FARP1: variants seen among roughly 807,000 people sequenced by gnomAD.
FARP1 encodes the protein FERM, ARHGEF and pleckstrin domain-containing protein 1.
In FARP1, 52 loss-of-function variants were observed where a neutral mutation model predicts 128.8. The observed-to-expected ratio is 0.40, with a 90% CI of 0.32 to 0.51. FARP1 has a LOEUF of 0.51. Among genes scored for constraint, FARP1 ranks in the 20% least tolerant of loss-of-function variants. FARP1 has a pLI of 0.45. For synonymous variants in FARP1, 580 were observed against 551.8 expected (o/e 1.05, Z -0.72); for missense variants, 1,333 against 1,367.9 (o/e 0.97, Z 0.40).
intron 2 of FARP1, among the ~76,000 whole-genome samples, chr13:98,301,570 A>G (rs550450301): frequency 6.6e-6 from 1 of 152,176 alleles, no homozygotes; most frequent in Non-Finnish European, 1.5e-5. Flanking sequence ...GTCTTTCTAC[A>G]TTCCTGGGAC....
chr13:98,260,050 A>G (rs557876467), intron 2 of FARP1, among the ~76,000 whole-genome samples: 4 of 152,254 alleles, frequency 2.6e-5, no homozygotes, highest in South Asian at 2.1e-4. Flanking sequence ...ACTATATTAA[A>G]TGTGTAAAAA....
In FARP1 at chr13:98,450,154, G is replaced by C. The variant is rs1405710438; in HGVS notation, c.*1837G>C. On this transcript the variant is annotated 3_prime_UTR_variant, in exon 27 of 27. Coordinates refer to ENST00000319562, the MANE Select transcript of FARP1 (RefSeq NM_005766.4). ...CTAGTGTGGGTAACAGTCCATCTGA[G>C]TGGAGTTTGAGACACACTACACATG... 1 of 152,214 alleles carries C rather than the reference G, an allele frequency of 6.6e-6. No individual in the cohort carries two copies. Among genetic ancestry groups the C allele is most frequent in the African/African-American group, 2.4e-5 (1 of 41,430 alleles). The allele number at this position is 152,214 out of a possible 1,614,324, so 9.4% of individuals were successfully genotyped here.
At chr13:98,395,529 C>CT in intron 13 of FARP1, 53 bp downstream of exon 13, 3 of 1,522,942 alleles carry the variant, frequency 2.0e-6, no homozygotes, top group Non-Finnish European at 2.6e-6. Context: ...CTTTCATTGA[C>CT]TGCAGTGACG....
At chr13:98,194,186 G>A (rs563709166) in intron 1 of FARP1, among the ~76,000 whole-genome samples, 5 of 151,928 alleles carry the variant, frequency 3.3e-5, no homozygotes, top group Admixed American at 6.6e-5. Context: ...GCACAATCTC[G>A]GCTTGTTGCA....
At chr13:98,384,090 A>C (rs758572648) in intron 6 of FARP1, 1 of 151,488 alleles carries the variant, frequency 6.6e-6, no homozygotes, top group Non-Finnish European at 1.5e-5. Flanking sequence ...TGTCACCCAC[A>C]TGTGTAGAAT....
At chr13:98,360,962 A>G (rs1888846204) in intron 3 of FARP1, among the ~76,000 whole-genome samples, 1 of 151,922 alleles carries the variant, frequency 6.6e-6, no homozygotes, top group East Asian at 1.9e-4. Context: ...TTACCTTTTA[A>G]CTCATCGGTA....
At position 98,395,460 on chromosome 13, in the gene FARP1, C is replaced by T; in HGVS notation, c.1398C>T (p.Pro466=). Residue 466 remains proline (P), a synonymous_variant, in exon 13 of 27, where the codon CCC becomes CCT. Coordinates refer to ENST00000319562, the MANE Select transcript of FARP1 (RefSeq NM_005766.4). ...GGACCCAGCAGAGTAAACCTCAGCC[C>T]CCGCAGCCAAGCACAGGTCCAGCAT... is the stretch of plus-strand genomic sequence containing the variant. ...KDRTQQSKPQ[P]PQPSTGSLTG... 1.3e-6 allele frequency: 2 copies of T among 1,589,284 alleles called. No individual in the cohort carries two copies. Among genetic ancestry groups the T allele is most frequent in the Non-Finnish European group, 1.7e-6 (2 of 1,162,122 alleles).
At chr13:98,339,241 C>T (rs568484389) in intron 2 of FARP1, among the ~76,000 whole-genome samples, 102 of 152,282 alleles carry the variant, frequency 6.7e-4, no homozygotes, top group African/African-American at 2.3e-3. Flanking sequence ...TGGGAGGCCT[C>T]AGGAAACTTA....
intron 3 of FARP1, among the ~76,000 whole-genome samples, chr13:98,361,634 T>C (rs533575599): frequency 6.6e-6 from 1 of 152,190 alleles, no homozygotes; most frequent in Non-Finnish European, 1.5e-5. Flanking sequence ...TCCACTCTCC[T>C]GTATCCTCCA....
At chr13:98,438,227 A>G (rs1308473538) in intron 19 of FARP1, among the ~76,000 whole-genome samples, 1 of 152,046 alleles carries the variant, frequency 6.6e-6, no homozygotes, top group East Asian at 1.9e-4. Context: ...TCACTCCTTT[A>G]TCCTCAACGC....
At position 98,424,835 on chromosome 13, in the gene FARP1, A is replaced by G. The variant is rs376994880; in HGVS notation, c.1905+185A>G. Among the ~76,000 whole-genome samples, 12 of 151,996 alleles carry G rather than the reference A, an allele frequency of 7.9e-5. No individual in the cohort carries two copies. The East Asian group carries it at 1.9e-3, about 24-fold the overall frequency. On this transcript the variant is annotated intron_variant, in intron 17 of 26. Transcript: ENST00000319562. Reference sequence around the variant, plus strand: ...CCAGGACGGCTTTGAATGTGGCCCAACACAAATTCATAAACTTTCTTAAAA... The same window carrying G: ...CCAGGACGGCTTTGAATGTGGCCCAGCACAAATTCATAAACTTTCTTAAAA...
Position 98,449,015 on chromosome 13 carries a change from A to G in FARP1, c.*698A>G. The stretch of plus-strand genomic sequence containing the variant: ...AACCGTAGCAGGGTTGTTTTCTGTT[A>G]AGCAAAGCCGAGATCCAGTGCAATA... On this transcript the variant is annotated 3_prime_UTR_variant, in exon 27 of 27. Transcript: ENST00000319562. 1 of 152,168 alleles carries G rather than the reference A, an allele frequency of 6.6e-6. No homozygotes were observed. Among genetic ancestry groups the G allele is most frequent in the East Asian group, 1.9e-4 (1 of 5,188 alleles). 9.4% of individuals were successfully genotyped at this position (152,168 alleles called of 1,614,324 possible).
chr13:98,357,190 A>G (rs1888678533), intron 3 of FARP1, among the ~76,000 whole-genome samples: 2 of 152,074 alleles, frequency 1.3e-5, no homozygotes, highest in Admixed American at 1.3e-4. Flanking sequence ...GACCATTTAC[A>G]TTTAATGTGA....
At chr13:98,142,746 C>T (rs1384554480), upstream of FARP1, 3 of 152,618 alleles carry the variant, frequency 2.0e-5, no homozygotes, top group Admixed American at 2.0e-4. Flanking sequence ...CCGCTCCCGG[C>T]TTCGCCGTGC....
intron 1 of FARP1, among the ~76,000 whole-genome samples, chr13:98,171,460 C>G (rs922779043): frequency 1.3e-5 from 2 of 152,200 alleles, no homozygotes; most frequent in African/African-American, 4.8e-5. Context: ...TCACAGACCT[C>G]TCTCTTGCTT....
At chr13:98,358,533 A>G (rs1282880877) in intron 3 of FARP1, among the ~76,000 whole-genome samples, 2 of 152,222 alleles carry the variant, frequency 1.3e-5, no homozygotes, top group Non-Finnish European at 2.9e-5. Context: ...CACACTTAAC[A>G]TATCTTTTAA....
intron 2 of FARP1, among the ~76,000 whole-genome samples, chr13:98,311,020 G>A (rs937484685): frequency 2.0e-5 from 3 of 152,180 alleles, no homozygotes; most frequent in Admixed American, 2.0e-4. Flanking sequence ...GGCAAGGGAG[G>A]TAGTAAGGAA....
At chr13:98,269,968 G>A (rs533665880) in intron 2 of FARP1, among the ~76,000 whole-genome samples, 1 of 152,260 alleles carries the variant, frequency 6.6e-6, no homozygotes, top group East Asian at 1.9e-4. Context: ...AGCCGGGCTT[G>A]GTAGTGCACG....
rs139326901 is a variant in FARP1, at chr13:98,321,690, A to T, written c.172-22072A>T. ...CTTCTTCTGTGAAATCAGTTAAGGG[A>T]AGCCTCTTGGCCTCATATGACTTTT... is the stretch of plus-strand genomic sequence containing the variant. On this transcript the variant is annotated intron_variant, in intron 2 of 26. Transcript: ENST00000319562. Among the ~76,000 whole-genome samples, 750 of 152,348 alleles carry T rather than the reference A, an allele frequency of 4.9e-3. 8 individuals are homozygous for T. The highest frequency in any genetic ancestry group is 0.017 in the African/African-American group (703 of 41,578).
Sources: gnomAD v4.1 joint callset for allele counts (sites outside exome capture counted in the v4.1 genomes callset) on GRCh38, gnomAD v4.1.1 for gene constraint, MANE v1.5 for transcripts, NCBI Gene and HGNC (gene_info 2026-07-23, HGNC 2026-07-21) for gene names.